The following PHACTR1 variants were observed in gnomAD, a reference collection of about 807,000 sequenced individuals.
The protein encoded by PHACTR1 is RPEL repeat containing 1.
PHACTR1 carries 16 observed loss-of-function variants against 69.2 expected under a neutral mutation model. The observed-to-expected ratio is 0.23, with a 90% CI of 0.16 to 0.35. The LOEUF (loss-of-function observed/expected upper bound fraction) is 0.35, where lower values mean the gene tolerates loss of function less well. PHACTR1 is among the 10% of genes least tolerant of loss of function. The pLI is 1.00. For missense variants in PHACTR1, 510 were observed against 734.7 expected (o/e 0.69, Z 3.54); for synonymous variants, 312 against 284.5 (o/e 1.10, Z -0.97).
At chr6:12,802,376 C>A (rs185116053) in intron 4 of PHACTR1, among the ~76,000 whole-genome samples, 10 of 151,946 alleles carry the variant, frequency 6.6e-5, no homozygotes, top group African/African-American at 2.4e-4. Context: ...AAGCTACACA[C>A]AAAATTAGTC....
At chr6:12,824,281 C>G (rs1776543673) in intron 4 of PHACTR1, among the ~76,000 whole-genome samples, 1 of 152,194 alleles carries the variant, frequency 6.6e-6, no homozygotes, top group Non-Finnish European at 1.5e-5. Flanking sequence ...AGAAAGCAAG[C>G]TCAGCGCCCT....
chr6:13,078,151 G>GT (rs199777207), intron 5 of PHACTR1, among the ~76,000 whole-genome samples: 155 of 151,796 alleles, frequency 1.0e-3, no homozygotes, highest in African/African-American at 3.5e-3. Context: ...CCCTAGAGCT[G>GT]TTTTTTTTGG....
intron 4 of PHACTR1, among the ~76,000 whole-genome samples, chr6:12,768,160 G>A (rs1213279363): frequency 6.9e-6 from 1 of 144,618 alleles, no homozygotes; most frequent in East Asian, 2.0e-4. Context: ...CATTGCCCAG[G>A]CTGGAGTGCA....
At chr6:12,757,932 T>C (rs944684137) in intron 4 of PHACTR1, among the ~76,000 whole-genome samples, 4 of 151,998 alleles carry the variant, frequency 2.6e-5, no homozygotes, top group African/African-American at 7.3e-5. Context: ...GCCAACACGG[T>C]GAAACCCCGT....
intron 5 of PHACTR1, among the ~76,000 whole-genome samples, chr6:13,130,817 A>T (rs994903070): frequency 3.9e-5 from 6 of 152,168 alleles, no homozygotes; most frequent in Non-Finnish European, 8.8e-5. Flanking sequence ...TGAAGCCAGT[A>T]TCACTCTAAT....
At chr6:13,015,800 G>C (rs972478063) in intron 4 of PHACTR1, among the ~76,000 whole-genome samples, 1 of 152,164 alleles carries the variant, frequency 6.6e-6, no homozygotes, top group African/African-American at 2.4e-5. Context: ...TGAAACGTGC[G>C]TCATCTCCAC....
At chr6:12,743,378 AAG>A (rs1379914928) in intron 3 of PHACTR1, among the ~76,000 whole-genome samples, 1 of 152,150 alleles carries the variant, frequency 6.6e-6, no homozygotes, top group Non-Finnish European at 1.5e-5. Flanking sequence ...TATTTGTATA[AAG>A]TGCAGCAAGA....
chr6:12,955,192 C>CTTTTTTTTTTTTTTTTT lies in PHACTR1; in HGVS notation c.251-98169_251-98153dup, dbSNP rs1161324144. 1.8e-3 allele frequency among the ~76,000 whole-genome samples: 182 copies of CTTTTTTTTTTTTTTTTT among 103,270 alleles called. 28 individuals are homozygous for CTTTTTTTTTTTTTTTTT. The highest frequency in any genetic ancestry group is 7.2e-3 in the African/African-American group (141 of 19,512). 67.7% of individuals were successfully genotyped at this position (103,270 alleles called of 152,430 possible). ...ATCTATGGCTCACATTGTATTTCCT[C>CTTTTTTTTTTTTTTTTT]TTTTTTTTTTTTTTTTTTTTGAGAG... On this transcript the variant is annotated intron_variant, in intron 4 of 14. Coordinates refer to ENST00000332995, the MANE Select transcript of PHACTR1 (RefSeq NM_030948.6).
chr6:13,063,006 A>T (rs188213409), intron 5 of PHACTR1, among the ~76,000 whole-genome samples: 1 of 152,316 alleles, frequency 6.6e-6, no homozygotes, highest in East Asian at 1.9e-4. Flanking sequence ...CTCTAACTTA[A>T]GTGCTCCCTT....
chr6:12,719,970 T>C (rs1761891988), intron 3 of PHACTR1, among the ~76,000 whole-genome samples: 1 of 152,220 alleles, frequency 6.6e-6, no homozygotes, highest in African/African-American at 2.4e-5. Context: ...ACAGCAGAGC[T>C]GAAATTAGCA....
At chr6:13,053,143 T>A (rs897105553) in intron 4 of PHACTR1, among the ~76,000 whole-genome samples, 5 of 152,122 alleles carry the variant, frequency 3.3e-5, no homozygotes, top group Non-Finnish European at 7.4e-5. Flanking sequence ...TAAATAGAAG[T>A]TGAGCAAATT....
At chr6:13,026,573 G>A (rs367694561) in intron 4 of PHACTR1, among the ~76,000 whole-genome samples, 2 of 152,036 alleles carry the variant, frequency 1.3e-5, no homozygotes, top group African/African-American at 2.4e-5. Flanking sequence ...GGAAGGAGAC[G>A]GATTTCTCTT....
intron 4 of PHACTR1, among the ~76,000 whole-genome samples, chr6:12,845,397 A>G (rs1282484439): frequency 7.1e-6 from 1 of 141,006 alleles, no homozygotes; most frequent in Non-Finnish European, 1.5e-5. Flanking sequence ...AGAAAGGAGA[A>G]GAGTGCCAAG....
At chr6:12,769,752 A>G (rs1386829134) in intron 4 of PHACTR1, among the ~76,000 whole-genome samples, 1 of 152,178 alleles carries the variant, frequency 6.6e-6, no homozygotes, top group African/African-American at 2.4e-5. Context: ...CGGGCTGAGC[A>G]GAGCCAGCTG....
chr6:12,870,525 T>C (rs373137626), intron 4 of PHACTR1, among the ~76,000 whole-genome samples: 4 of 152,200 alleles, frequency 2.6e-5, no homozygotes, highest in African/African-American at 9.6e-5. Context: ...GAAAACACAC[T>C]GGAAATTCCT....
At chr6:13,073,777 C>T (rs1809934771) in intron 5 of PHACTR1, among the ~76,000 whole-genome samples, 1 of 151,986 alleles carries the variant, frequency 6.6e-6, no homozygotes, top group Non-Finnish European at 1.5e-5. Flanking sequence ...ACACAAGCCC[C>T]TTTTTTTCAT....
At chr6:12,993,125 G>A (rs1266834845) in intron 4 of PHACTR1, among the ~76,000 whole-genome samples, 1 of 152,158 alleles carries the variant, frequency 6.6e-6, no homozygotes, top group South Asian at 2.1e-4. Flanking sequence ...ATCTATGCTT[G>A]CAGCTTGATT....
At chr6:12,922,654 C>T (rs1488553657) in intron 4 of PHACTR1, among the ~76,000 whole-genome samples, 1 of 152,206 alleles carries the variant, frequency 6.6e-6, no homozygotes, top group African/African-American at 2.4e-5. Context: ...CTCCTACTAT[C>T]CTTTACCCAT....
At chr6:12,943,602 A>T (rs1456911871) in intron 4 of PHACTR1, among the ~76,000 whole-genome samples, 1 of 152,194 alleles carries the variant, frequency 6.6e-6, no homozygotes, top group East Asian at 1.9e-4. Flanking sequence ...GGGTTCATAG[A>T]TGTGTAAGAC....
Sources: gnomAD v4.1 joint callset for allele counts (sites outside exome capture counted in the v4.1 genomes callset) on GRCh38, gnomAD v4.1.1 for gene constraint, MANE v1.5 for transcripts, NCBI Gene and HGNC (gene_info 2026-07-23, HGNC 2026-07-21) for gene names.